The following DYNLT2B variants were observed in gnomAD, a reference collection of about 807,000 sequenced individuals.
DYNLT2B encodes dynein light chain Tctex-type 2B.
DYNLT2B carries 14 observed loss-of-function variants against 19.5 expected under a neutral mutation model. The observed-to-expected ratio is 0.72, with a 90% confidence interval of 0.47 to 1.12. The LOEUF is 1.12. DYNLT2B is among the 50% of genes most tolerant of loss of function. The pLI, the probability that DYNLT2B is intolerant of heterozygous loss-of-function variation, is 0.00. For synonymous variants in DYNLT2B, 70 were observed against 59.7 expected (o/e 1.17, Z -0.79); for missense variants, 133 against 174.7 (o/e 0.76, Z 1.35).
At chr3:196,304,858 C>T (rs997582534) in intron 3 of DYNLT2B, among the ~76,000 whole-genome samples, 1 of 152,078 alleles carries the variant, frequency 6.6e-6, no homozygotes, top group African/African-American at 2.4e-5. Context: ...AACTAGAAGA[C>T]AAGGTAAGCA....
At chr3:196,313,650 T>C (rs951597490) in intron 2 of DYNLT2B, among the ~76,000 whole-genome samples, 1 of 152,226 alleles carries the variant, frequency 6.6e-6, no homozygotes, top group African/African-American at 2.4e-5. Context: ...AAAATGCTAA[T>C]ATACTAACAG....
At chr3:196,308,396 G>A (rs1479047391) in intron 2 of DYNLT2B, among the ~76,000 whole-genome samples, 3 of 152,038 alleles carry the variant, frequency 2.0e-5, no homozygotes, top group African/African-American at 4.8e-5. Context: ...CAGTAAGACA[G>A]ACAAGAAAAA....
At chr3:196,300,591 T>C (rs1726327311) in intron 3 of DYNLT2B, among the ~76,000 whole-genome samples, 1 of 150,922 alleles carries the variant, frequency 6.6e-6, no homozygotes, top group East Asian at 2.0e-4. Flanking sequence ...TAGCCGGGCG[T>C]GGTGGCGTGC....
At chr3:196,297,398 G>A (rs1441743170) in intron 3 of DYNLT2B, among the ~76,000 whole-genome samples, 6 of 151,952 alleles carry the variant, frequency 3.9e-5, no homozygotes, top group Admixed American at 6.6e-5. Context: ...CGTGGCACAC[G>A]CCTGTAATCC....
At chr3:196,314,594 CT>C (rs1293484944) in intron 2 of DYNLT2B, among the ~76,000 whole-genome samples, 2 of 151,988 alleles carry the variant, frequency 1.3e-5, no homozygotes, top group African/African-American at 4.8e-5. Context: ...GGGAGAATCA[CT>C]TGAGGCCAGG....
intron 1 of DYNLT2B, 82 bp downstream of exon 1, chr3:196,317,958 C>G: frequency 1.3e-6 from 1 of 798,656 alleles, no homozygotes; most frequent in Non-Finnish European, 1.7e-6. Flanking sequence ...CGCGCTCCTT[C>G]CGTGGCCCAG....
intron 2 of DYNLT2B, among the ~76,000 whole-genome samples, chr3:196,309,710 TG>T (rs1483212452): frequency 3.9e-5 from 6 of 152,014 alleles, no homozygotes; most frequent in Non-Finnish European, 8.8e-5. Context: ...AATCCCACTT[TG>T]GGAGGCTGAG....
At chr3:196,296,514 A>G (rs6778879) in intron 3 of DYNLT2B, among the ~76,000 whole-genome samples, 48,568 of 152,044 alleles carry the variant, frequency 0.32, 8,866 homozygotes, top group East Asian at 0.83. Flanking sequence ...TATAACTCCA[A>G]AAATATCTCT....
At chr3:196,316,914 G>GTGTGTT (rs1267478485) in intron 1 of DYNLT2B, among the ~76,000 whole-genome samples, 1 of 44,138 alleles carries the variant, frequency 2.3e-5, no homozygotes, top group Non-Finnish European at 5.3e-5. Flanking sequence ...TGTGTTGTGT[G>GTGTGTT]GTGTGTGTGT....
At chr3:196,303,372 G>A (rs1028417297) in intron 3 of DYNLT2B, among the ~76,000 whole-genome samples, 5 of 152,102 alleles carry the variant, frequency 3.3e-5, no homozygotes, top group East Asian at 3.8e-4. Flanking sequence ...ATGATGAATC[G>A]GCTCTGTCTA....
intron 3 of DYNLT2B, among the ~76,000 whole-genome samples, chr3:196,301,890 T>C (rs898429054): frequency 6.6e-6 from 1 of 151,838 alleles, no homozygotes; most frequent in Non-Finnish European, 1.5e-5. Context: ...GTTATGGGTT[T>C]AACTGCAGAT....
At chr3:196,300,761 AG>A (rs1726334585) in intron 3 of DYNLT2B, among the ~76,000 whole-genome samples, 1 of 150,360 alleles carries the variant, frequency 6.7e-6, no homozygotes, top group Non-Finnish European at 1.5e-5. Context: ...AATAGAAACA[AG>A]GGTGAGGCTG....
At chr3:196,316,076 T>G in intron 2 of DYNLT2B, 22 bp downstream of exon 2, 1 of 1,610,114 alleles carries the variant, frequency 6.2e-7, no homozygotes. Flanking sequence ...AATGAGTCAT[T>G]TCCAGTTATC....
chr3:196,294,142 G>A (rs1018938221), intron 4 of DYNLT2B, among the ~76,000 whole-genome samples: 5 of 151,874 alleles, frequency 3.3e-5, no homozygotes, highest in Admixed American at 6.6e-5. Flanking sequence ...ACCTGAGGTC[G>A]GGAGCTCCAG....
At chr3:196,308,085 A>G (rs1045508852) in intron 2 of DYNLT2B, among the ~76,000 whole-genome samples, 3 of 78,120 alleles carry the variant, frequency 3.8e-5, no homozygotes, top group Admixed American at 1.9e-4. Context: ...CCATCTCGAA[A>G]AAAAAAAAAA....
chr3:196,317,971 C>T, intron 1 of DYNLT2B, 69 bp downstream of exon 1: 1 of 972,614 alleles, frequency 1.0e-6, no homozygotes, highest in Non-Finnish European at 1.4e-6. Context: ...TGGCCCAGGT[C>T]CCAGGCGAGC....
At chr3:196,315,879 A>AC (rs1726776758) in intron 2 of DYNLT2B, among the ~76,000 whole-genome samples, 1 of 152,090 alleles carries the variant, frequency 6.6e-6, no homozygotes, top group South Asian at 2.1e-4. Context: ...TCTCAAAAAA[A>AC]AGAAAAATAG....
rs140998103 is a variant in DYNLT2B at position 196,317,062 on chromosome 3, GGTGTGTGTGTGT to G, written c.114-843_114-832del. On this transcript the variant is annotated intron_variant, in intron 1 of 4. Transcript: ENST00000325318. Reference sequence around the variant, plus strand: ...TGTGTGTGTTGTGTGGTGTGTGTGTGGTGTGTGTGTGTGTGTGTGTGTGTGTAAAGTTAGTGA... The same window carrying G: ...TGTGTGTGTTGTGTGGTGTGTGTGTGGTGTGTGTGTGTGTAAAGTTAGTGA... Among the ~76,000 whole-genome samples the G allele has an allele frequency of 4.2e-4, 22 of 52,268 alleles. 1 individual carries two copies. Among genetic ancestry groups the G allele is most frequent in the Admixed American group, 7.3e-4 (3 of 4,088 alleles). The allele number at this position is 52,268 out of a possible 152,430, so 34.3% of individuals were successfully genotyped here. A position where few individuals can be genotyped will look rare whatever the true frequency, so the allele number is the denominator to read the frequency against.
chr3:196,306,981 C>T lies in DYNLT2B; in HGVS notation c.279G>A (p.Val93=), dbSNP rs779708962. ...EMGFDRYKMV[V]QVVIGEQRGE... ...CTCTTTGTTCTCCAATCACTACTTG[C>T]ACCACCATTTTGTATCGGTCAAATC... The change falls in exon 3 of 5, where the codon GTG becomes GTA. Residue 93 remains valine, a synonymous_variant. Transcript: ENST00000325318. 1.9e-6 allele frequency: 3 copies of T among 1,614,086 alleles called. No homozygotes were observed. The highest frequency in any genetic ancestry group is 2.2e-5 in the East Asian group (1 of 44,888).
Sources: gnomAD v4.1 joint callset for allele counts (sites outside exome capture counted in the v4.1 genomes callset) on GRCh38, gnomAD v4.1.1 for gene constraint, MANE v1.5 for transcripts, NCBI Gene and HGNC (gene_info 2026-07-23, HGNC 2026-07-21) for gene names.